Variants in RAB37 observed in about 807,000 individuals in gnomAD.
RAB37 encodes ras-related protein Rab-37.
In RAB37, 29 loss-of-function variants were observed where a neutral mutation model predicts 33.1. The observed-to-expected ratio is 0.88, with a 90% confidence interval of 0.65 to 1.20. RAB37 has a LOEUF of 1.20. Ranked by LOEUF, RAB37 falls within the 50% of genes most tolerant of loss-of-function variation. RAB37 has a pLI of 0.00. For synonymous variants in RAB37, 128 were observed against 119.5 expected, an observed-to-expected ratio of 1.07 and a Z score of -0.47; for missense variants, 299 against 301.1, an observed-to-expected ratio of 0.99 and a Z score of 0.05.
chr17:74,700,253 G>A (rs2032923728), intron 1 of RAB37, among the ~76,000 whole-genome samples: 1 of 152,178 alleles, frequency 6.6e-6, no homozygotes, highest in African/African-American at 2.4e-5. Flanking sequence ...AAATGGCCAG[G>A]GCTGACAATG....
chr17:74,704,605 A>T, intron 1 of RAB37: 1 of 1,614,094 alleles, frequency 6.2e-7, no homozygotes, highest in Non-Finnish European at 8.5e-7. Context: ...GGTTTTTCTG[A>T]TTGTCCTTGA....
intron 1 of RAB37, 117 bp from the exon 2 acceptor site, chr17:74,740,651 G>A (rs955343304): frequency 2.6e-6 from 2 of 756,766 alleles, no homozygotes; most frequent in South Asian, 1.5e-5. Context: ...GTGGCCTTTG[G>A]TGCGGTCAGC....
intron 1 of RAB37, among the ~76,000 whole-genome samples, chr17:74,701,248 A>G (rs1486926689): frequency 6.6e-6 from 1 of 152,194 alleles, no homozygotes; most frequent in African/African-American, 2.4e-5. Flanking sequence ...TGTCAACCCT[A>G]TTTGGTTACA....
chr17:74,714,013 C>T (rs1212779566), intron 1 of RAB37, among the ~76,000 whole-genome samples: 3 of 151,326 alleles, frequency 2.0e-5, no homozygotes, highest in Non-Finnish European at 4.4e-5. Context: ...AGTTAGAGAC[C>T]GGCCTGGCCA....
upstream of RAB37, chr17:74,737,142 G>C: frequency 6.9e-6 from 11 of 1,585,792 alleles, no homozygotes; most frequent in Non-Finnish European, 8.6e-6. Flanking sequence ...CGTCGAGGGG[G>C]CGACGGGACG....
rs1378433873 is a variant in RAB37, at chr17:74,746,373, A to G, written c.*962A>G. On this transcript the variant is annotated 3_prime_UTR_variant, in exon 9 of 9. Transcript: ENST00000392613. This position sits in a 1 kb window ranked among gnomAD's most constrained non-coding sequence, Gnocchi z 5.2. ...GAAGTAGCTGGGACTATAGGTGTGT[A>G]CCATCACACCTGGCTAATTTTTGTA... is the stretch of plus-strand genomic sequence containing the variant. The G allele has an allele frequency of 6.6e-6, 1 of 152,156 alleles. No homozygotes were observed. Among genetic ancestry groups the G allele is most frequent in the East Asian group, 1.9e-4 (1 of 5,200 alleles). 9.4% of individuals were successfully genotyped at this position (152,156 alleles called of 1,614,324 possible).
At chr17:74,695,185 T>C (rs767373475) in intron 1 of RAB37, 1 of 1,614,000 alleles carries the variant, frequency 6.2e-7, no homozygotes, top group Non-Finnish European at 8.5e-7. Context: ...TTGCAGTAGG[T>C]CGGTTCCTGA....
intron 1 of RAB37, among the ~76,000 whole-genome samples, chr17:74,727,929 G>A (rs2034325848): frequency 6.6e-6 from 1 of 151,756 alleles, no homozygotes; most frequent in African/African-American, 2.4e-5. Flanking sequence ...CGTGTATGCT[G>A]CATGTCTGTG....
Position 74,671,374 on chromosome 17 carries a change from C to G in RAB37, c.-213C>G. On this transcript the variant is annotated 5_prime_UTR_variant, in exon 1 of 8. Transcript: ENST00000340415. This position sits in a 1 kb window ranked among gnomAD's most constrained non-coding sequence, Gnocchi z 5.0. ...AACGGCGGAGTCGCTGTTCCTGGTG[C>G]TGAAACGCTCAGTCCTGGAAGAACG... The G allele has an allele frequency of 3.5e-6, 2 of 569,472 alleles. No homozygotes were observed. Among genetic ancestry groups the G allele is most frequent in the Non-Finnish European group, 3.1e-6 (1 of 319,438 alleles). The allele number at this position is 569,472 out of a possible 1,614,324, so 35.3% of individuals were successfully genotyped here. A position where few individuals can be genotyped will look rare whatever the true frequency, so the allele number is the denominator to read the frequency against.
chr17:74,698,645 T>G, intron 1 of RAB37: 1 of 1,462,698 alleles, frequency 6.8e-7, no homozygotes, highest in South Asian at 1.4e-5. Context: ...AAGATGGGTT[T>G]ACAATGAGTA....
chr17:74,693,744 C>A (rs1235090476), intron 1 of RAB37, among the ~76,000 whole-genome samples: 6 of 152,028 alleles, frequency 3.9e-5, no homozygotes, highest in Non-Finnish European at 8.8e-5. Flanking sequence ...GCCTGGCCAA[C>A]AAGGTAAAAT....
intron 1 of RAB37, chr17:74,695,910 A>T (rs1306419701): frequency 1.9e-6 from 3 of 1,583,714 alleles, no homozygotes; most frequent in Non-Finnish European, 2.6e-6. Context: ...CTGTGGACAC[A>T]GGTTCCTTTT....
rs768158775 is a variant in RAB37 at position 74,744,296 on chromosome 17, C to T, written c.367-12C>T. ...GGAAGAGAATGCCAGTCTCGCACGC[C>T]CTCTCCCACAGGCCTGGCTCACTGA... is the stretch of plus-strand genomic sequence containing the variant. On this transcript the variant is annotated splice_polypyrimidine_tract_variant and intron_variant, in intron 5 of 8. Transcript: ENST00000392613. This position sits in a 1 kb window ranked among gnomAD's most constrained non-coding sequence, Gnocchi z 4.2. 3.1e-6 allele frequency: 5 copies of T among 1,611,284 alleles called. No homozygotes were observed. In the African/African-American group the frequency reaches 5.3e-5, roughly 17 times the overall value.
intron 1 of RAB37, among the ~76,000 whole-genome samples, chr17:74,684,372 C>T (rs188991492): frequency 1.7e-3 from 259 of 151,236 alleles, no homozygotes; most frequent in African/African-American, 6.1e-3. Flanking sequence ...GGATTATAGG[C>T]GTGAGCCACC....
In RAB37 at chr17:74,722,321, G is replaced by A. The variant is rs116270711; in HGVS notation, c.73-6935G>A. Among the ~76,000 whole-genome samples, 634 of 151,702 alleles carry A rather than the reference G, an allele frequency of 4.2e-3. 8 individuals carry two copies. The highest frequency in any genetic ancestry group is 0.014 in the African/African-American group (566 of 41,388). ...AAAAGAAAGAGAGAGAGATTTGTCC[G>A]AGAAATTGGCTTACATGACTGGGGG... is the stretch of plus-strand genomic sequence containing the variant. On this transcript the variant is annotated intron_variant, in intron 1 of 7. Coordinates refer to the RAB37 transcript ENST00000340415.
chr17:74,735,132 A>AAGAG (rs1215005068), upstream of RAB37, among the ~76,000 whole-genome samples: 404 of 147,906 alleles, frequency 2.7e-3, 2 homozygotes, highest in African/African-American at 9.1e-3. Context: ...AGAAAGAAAG[A>AAGAG]AGAGAGAGAG....
chr17:74,729,388 C>G lies in RAB37; in HGVS notation c.183+22C>G, dbSNP rs763932403. The G allele has an allele frequency of 2.5e-5, 39 of 1,566,114 alleles. No homozygotes were observed. Among genetic ancestry groups the G allele is most frequent in the Non-Finnish European group, 3.4e-5 (39 of 1,136,182 alleles). On this transcript the variant is annotated intron_variant, in intron 2 of 7. Coordinates refer to the RAB37 transcript ENST00000340415. The surrounding 1 kb of genome is among the most constrained non-coding windows in gnomAD (Gnocchi z 4.2). ...CACGGTAAGCACTGGCCGGCACTGC[C>G]AGCTCTGGGCCTGGGCTCAGGACCC...
intron 1 of RAB37, among the ~76,000 whole-genome samples, chr17:74,690,949 C>T (rs568988553): frequency 6.6e-6 from 1 of 152,320 alleles, no homozygotes; most frequent in East Asian, 1.9e-4. Context: ...GACAGGGTCT[C>T]GTTCTGTCAC....
At chr17:74,739,371 AC>A (rs1431021848) in intron 1 of RAB37, among the ~76,000 whole-genome samples, 5 of 151,652 alleles carry the variant, frequency 3.3e-5, no homozygotes, top group African/African-American at 1.2e-4. Context: ...TCCACAGGTT[AC>A]CTCCTTGGTA....
Sources: allele counts gnomAD v4.1 joint callset (sites outside exome capture counted in the v4.1 genomes callset), GRCh38; gene constraint gnomAD v4.1.1; non-coding constraint Gnocchi (gnomAD v3.1); transcripts MANE v1.5; gene names NCBI Gene and HGNC (gene_info 2026-07-23, HGNC 2026-07-21).